The following TG variants were observed in gnomAD, a reference collection of about 807,000 sequenced individuals.
The protein encoded by TG is thyroid hormones.
A neutral mutation model predicts 324.7 loss-of-function variants in TG; 270 were observed. That is an observed-to-expected ratio of 0.83 (90% CI 0.75 to 0.92). TG has a LOEUF of 0.92. Ranked by LOEUF, TG falls within the 40% of genes least tolerant of loss-of-function variation. The probability of loss-of-function intolerance (pLI) is 0.00; values close to 1 mark genes in which losing one functional copy is unlikely to be tolerated. For missense variants in TG, 3,591 were observed against 3,456.4 expected (o/e 1.04, Z -0.98); for synonymous variants, 1,401 against 1,327.0 (o/e 1.06, Z -1.21).
chr8:132,871,347 G>A lies in TG; in HGVS notation c.275-1G>A. ...TCTAACATTGCTCCTTGTACCCACA[G>A]GTCTGTCATTTTGTCAGCTACAGAA... On this transcript the variant is annotated splice_acceptor_variant, in intron 3 of 47. Transcript: ENST00000220616. LOFTEE classifies it high-confidence loss of function. The A allele has an allele frequency of 6.2e-7, 1 of 1,614,190 alleles. No individual in the cohort carries two copies. Among genetic ancestry groups the A allele is most frequent in the Non-Finnish European group, 8.5e-7 (1 of 1,180,030 alleles).
At chr8:133,062,162 C>T (rs1842455898) in intron 41 of TG, among the ~76,000 whole-genome samples, 1 of 152,162 alleles carries the variant, frequency 6.6e-6, no homozygotes, top group African/African-American at 2.4e-5. Context: ...AAAGAGGATG[C>T]CCTTGCAAAT....
intron 18 of TG, among the ~76,000 whole-genome samples, chr8:132,910,222 A>G (rs142278990): frequency 9.9e-5 from 15 of 152,246 alleles, no homozygotes; most frequent in African/African-American, 3.6e-4. Context: ...TTCAGGCTTC[A>G]TATGCATTGG....
chr8:133,075,457 A>G (rs1267226582), intron 41 of TG, among the ~76,000 whole-genome samples: 1 of 152,230 alleles, frequency 6.6e-6, no homozygotes, highest in Non-Finnish European at 1.5e-5. Context: ...GTCAAGGGAA[A>G]AAAACTAGAA....
chr8:132,924,628 T>C (rs903350275), intron 22 of TG, among the ~76,000 whole-genome samples: 2 of 152,124 alleles, frequency 1.3e-5, no homozygotes, highest in African/African-American at 4.8e-5. Flanking sequence ...CTACAATATA[T>C]AGTGTGATGG....
At chr8:132,934,627 C>T (rs1823292656) in intron 24 of TG, among the ~76,000 whole-genome samples, 1 of 152,242 alleles carries the variant, frequency 6.6e-6, no homozygotes, top group Non-Finnish European at 1.5e-5. Context: ...CCTCCTCTCC[C>T]CAGGCCATTG....
Position 132,901,340 on chromosome 8 carries a change from G to T in TG, c.3434-13G>T. ...ACTGATTCCCCAGCCCATCTGGCTTGTCTCTGTGTCAGGCCCAAGCCTCTG... is the reference window on the plus strand; with the variant it reads ...ACTGATTCCCCAGCCCATCTGGCTTTTCTCTGTGTCAGGCCCAAGCCTCTG... On this transcript the variant is annotated splice_polypyrimidine_tract_variant and intron_variant, in intron 15 of 47. Coordinates refer to ENST00000220616, the MANE Select transcript of TG (RefSeq NM_003235.5). The T allele has an allele frequency of 6.2e-7, 1 of 1,614,080 alleles. No homozygotes were observed. Among genetic ancestry groups the T allele is most frequent in the South Asian group, 1.1e-5 (1 of 91,088 alleles).
chr8:133,013,967 A>G (rs369087146), intron 37 of TG, among the ~76,000 whole-genome samples: 1 of 152,252 alleles, frequency 6.6e-6, no homozygotes, highest in African/African-American at 2.4e-5. Flanking sequence ...CCTTTAAGTT[A>G]TAGAAGCCAT....
In TG at chr8:132,976,693, A is replaced by AC. The variant is rs1052302375; in HGVS notation, c.6199+3954dup. Among the ~76,000 whole-genome samples, 50 of 152,310 alleles carry AC rather than the reference A, an allele frequency of 3.3e-4. 1 individual carries two copies. Among genetic ancestry groups the AC allele is most frequent in the African/African-American group, 1.2e-3 (48 of 41,570 alleles). ...CATCCATGGCCCCTGAACAGAAAAC[A>AC]CCATGGGATGCACATGGCTTATGGG... On this transcript the variant is annotated intron_variant, in intron 34 of 47. Coordinates refer to ENST00000220616, the MANE Select transcript of TG (RefSeq NM_003235.5).
rs1587289969 is a variant in TG at position 132,894,749 on chromosome 8, C to T, written c.3001+820C>T. 3.9e-5 allele frequency among the ~76,000 whole-genome samples: 6 copies of T among 152,374 alleles called. No homozygotes were observed. The East Asian group carries it at 1.2e-3, about 29-fold the overall frequency. Reference sequence around the variant, plus strand: ...GTGCCAGGATTACAGGCATGAGTCACAGCCCTTAACCAGCTAAACAATATT... The same window carrying T: ...GTGCCAGGATTACAGGCATGAGTCATAGCCCTTAACCAGCTAAACAATATT... On this transcript the variant is annotated intron_variant, in intron 11 of 47. Coordinates refer to ENST00000220616, the MANE Select transcript of TG (RefSeq NM_003235.5).
intron 2 of TG, 112 bp from the exon 3 acceptor site, chr8:132,869,617 C>G (rs376670037): frequency 2.0e-6 from 2 of 983,650 alleles, no homozygotes; most frequent in African/African-American, 3.2e-5. Context: ...CTAATTTAAA[C>G]GAACCAAAAC....
At chr8:132,924,832 G>A (rs938814676) in intron 22 of TG, among the ~76,000 whole-genome samples, 16 of 152,166 alleles carry the variant, frequency 1.1e-4, no homozygotes, top group African/African-American at 2.7e-4. Flanking sequence ...ACCTACCAGC[G>A]GTAGTAAATG....
chr8:133,070,309 CTCTT>C (rs1353612308), intron 41 of TG, among the ~76,000 whole-genome samples: 5 of 152,144 alleles, frequency 3.3e-5, no homozygotes, highest in Admixed American at 2.0e-4. Context: ...AGCGAACCGA[CTCTT>C]TATGAAATCT....
At position 133,001,663 on chromosome 8, in the gene TG, G is replaced by A. The variant is rs150538726; in HGVS notation, c.6263-10238G>A. The A allele has an allele frequency of 3.1e-4, 248 of 789,088 alleles. 1 individual carries two copies. In the East Asian group the frequency reaches 6.8e-3, roughly 22 times the overall value. 48.9% of individuals were successfully genotyped at this position (789,088 alleles called of 1,614,324 possible). A position where few individuals can be genotyped will look rare whatever the true frequency, so the allele number is the denominator to read the frequency against. ...GATGTCTCAATGCAATGTTGTCTCC[G>A]TCCGATGACGACAGGGAGACGTGAG... On this transcript the variant is annotated intron_variant, in intron 35 of 47. Coordinates refer to ENST00000220616, the MANE Select transcript of TG (RefSeq NM_003235.5).
chr8:132,882,408 C>T lies in TG; in HGVS notation c.746-61C>T. The T allele has an allele frequency of 1.9e-6, 3 of 1,598,968 alleles. No homozygotes were observed. In the South Asian group the frequency reaches 3.3e-5, roughly 18 times the overall value. On this transcript the variant is annotated intron_variant, in intron 6 of 47. Transcript: ENST00000220616. The stretch of plus-strand genomic sequence containing the variant: ...TCTCTCTCAGTATCTGTTTGCACAA[C>T]AAGGTCAGGGCTTCCTTTCTGAATG...
At chr8:132,885,366 C>T (rs1402740511) in intron 8 of TG, among the ~76,000 whole-genome samples, 2 of 151,982 alleles carry the variant, frequency 1.3e-5, no homozygotes, top group African/African-American at 4.8e-5. Flanking sequence ...GGTCAAGAAG[C>T]TCAGAAGAAT....
At chr8:132,970,532 A>C (rs1203685919) in intron 32 of TG, among the ~76,000 whole-genome samples, 5 of 152,220 alleles carry the variant, frequency 3.3e-5, no homozygotes, top group Non-Finnish European at 7.3e-5. Flanking sequence ...TTCATGAACC[A>C]TTGATCTATG....
In TG at chr8:132,886,860, C is replaced by G. The variant is rs772939664; in HGVS notation, c.1488C>G (p.Asn496Lys). 6.2e-7 allele frequency: 1 copy of G among 1,614,140 alleles called. No homozygotes were observed. Among genetic ancestry groups the G allele is most frequent in the South Asian group, 1.1e-5 (1 of 91,082 alleles). The change falls in exon 9 of 48, where the codon AAC becomes AAG. Residue 496 changes from asparagine to lysine, a missense_variant. By Grantham distance (94) the Asn-to-Lys change is moderately conservative (BLOSUM62 0). Transcript: ENST00000220616. ...CCCTTGGCACAAGAGGCACATTTAA[C>G]TTCAGTCAATTTTTCCAGCAACTTG... ...SGALGTRGTF[N>K]FSQFFQQLGL...
rs533725603 is a variant in TG, at chr8:132,958,844, T to C, written c.5402-2164T>C. Reference sequence around the variant, plus strand: ...GAAAACGGAACACAAACTGAGCAGGTGCGCAACCACTGGTTCTGTGTTGTT... The same window carrying C: ...GAAAACGGAACACAAACTGAGCAGGCGCGCAACCACTGGTTCTGTGTTGTT... On this transcript the variant is annotated intron_variant, in intron 27 of 47. Coordinates refer to ENST00000220616, the MANE Select transcript of TG (RefSeq NM_003235.5). Among the ~76,000 whole-genome samples, 18 of 152,260 alleles carry C rather than the reference T, an allele frequency of 1.2e-4. No individual in the cohort carries two copies. In the East Asian group the frequency reaches 3.5e-3, roughly 29 times the overall value.
At position 132,869,817 on chromosome 8, in the gene TG, C is replaced by A; in HGVS notation, c.265C>A (p.Pro89Thr). Residue 89 changes from proline to threonine, a missense_variant, in exon 3 of 48, where the codon CCT (proline) becomes ACT (threonine). Physicochemically the swap from Pro to Thr is conservative, Grantham distance 38. Transcript: ENST00000220616. The stretch of plus-strand genomic sequence containing the variant: ...GCTGGGCAGCAGGCAGCCAGGACGG[C>A]CTGTGGCTTGTAAGTGGGAGTGGGG... The part of the protein sequence containing the change: ...EVLGSRQPGR[P>T]VACLSFCQLQ... 1 of 1,613,922 alleles carries A rather than the reference C, an allele frequency of 6.2e-7. No homozygotes were observed. Among genetic ancestry groups the A allele is most frequent in the Non-Finnish European group, 8.5e-7 (1 of 1,179,980 alleles).
Sources: gnomAD v4.1 joint callset for allele counts (sites outside exome capture counted in the v4.1 genomes callset) on GRCh38, gnomAD v4.1.1 for gene constraint, MANE v1.5 for transcripts, NCBI Gene and HGNC (gene_info 2026-07-23, HGNC 2026-07-21) for gene names.